The following ASCC3 variants were observed in gnomAD, a reference collection of about 807,000 sequenced individuals.
ASCC3 encodes the protein activating signal cointegrator 1 complex subunit 3.
ASCC3 carries 158 observed loss-of-function variants against 256.3 expected under a neutral mutation model. The observed-to-expected ratio is 0.62, with a 90% CI of 0.54 to 0.70. ASCC3 has a LOEUF of 0.70. Ranked by LOEUF, ASCC3 falls within the 30% of genes least tolerant of loss-of-function variation. ASCC3 has a pLI of 0.00. For missense variants in ASCC3, 2,259 were observed against 2,626.0 expected (o/e 0.86, Z 3.05); for synonymous variants, 948 against 883.4 (o/e 1.07, Z -1.30).
In ASCC3 at chr6:100,715,526, T is replaced by C; in HGVS notation, c.2087A>G (p.Gln696Arg). 9 of 1,609,226 alleles carry C rather than the reference T, an allele frequency of 5.6e-6. No homozygotes were observed. The highest frequency in any genetic ancestry group is 7.6e-6 in the Non-Finnish European group (9 of 1,176,662). The change falls in exon 13 of 42, where the codon CAG (glutamine) becomes CGG (arginine). Residue 696 changes from glutamine to arginine, a missense_variant. By Grantham distance (43) the Gln-to-Arg change is conservative. Around this residue, in one of 2 missense-constraint regions of ASCC3, gnomAD observed 1,839 missense variants for 2,206.7 expected, o/e 0.83. Transcript: ENST00000369162. ...ACATACTTCATCCATGTTATTCAAC[T>C]GCTGCATCTTGAAGATTTTAAAACA... ...LGIKCANKMQ[Q>R]LNNMDEVCYE... is the part of the protein sequence containing the mutation.
At chr6:100,586,893 G>C (rs1460982423) in intron 36 of ASCC3, among the ~76,000 whole-genome samples, 1 of 152,072 alleles carries the variant, frequency 6.6e-6, no homozygotes, top group Non-Finnish European at 1.5e-5. Context: ...TAAGTTCAAA[G>C]TAATACTCAA....
intron 37 of ASCC3, chr6:100,530,565 C>G: frequency 1.3e-6 from 1 of 785,782 alleles, no homozygotes; most frequent in East Asian, 2.4e-5. Context: ...GGCACTCAAT[C>G]CAGCCAGCAT....
At chr6:100,510,236 T>C in intron 40 of ASCC3, 129 bp from the exon 41 acceptor site, 1 of 1,009,386 alleles carries the variant, frequency 9.9e-7, no homozygotes, top group Non-Finnish European at 1.5e-6. Context: ...CTATCTGAGA[T>C]GTTTTAAATT....
intron 14 of ASCC3, among the ~76,000 whole-genome samples, chr6:100,670,641 C>A (rs1005616035): frequency 7.1e-6 from 1 of 140,876 alleles, no homozygotes; most frequent in Non-Finnish European, 1.5e-5. Flanking sequence ...AACTTTTTTT[C>A]CCCCCCAAAT....
At chr6:100,729,893 C>T (rs1173643524) in intron 10 of ASCC3, among the ~76,000 whole-genome samples, 5 of 151,824 alleles carry the variant, frequency 3.3e-5, no homozygotes, top group Non-Finnish European at 5.9e-5. Context: ...TTTTTAAAAC[C>T]AGAATGATAA....
chr6:100,830,115 G>T (rs923143943), intron 4 of ASCC3, among the ~76,000 whole-genome samples: 7 of 151,846 alleles, frequency 4.6e-5, no homozygotes, highest in Non-Finnish European at 1.0e-4. Flanking sequence ...AATATTTTCG[G>T]AATGTGGCTG....
At chr6:100,614,513 C>T (rs1773562322) in intron 30 of ASCC3, among the ~76,000 whole-genome samples, 1 of 152,132 alleles carries the variant, frequency 6.6e-6, no homozygotes, top group Non-Finnish European at 1.5e-5. Flanking sequence ...GGATGGGTTT[C>T]CTATTATTCT....
At chr6:100,764,239 T>C (rs1159815112) in intron 10 of ASCC3, among the ~76,000 whole-genome samples, 2 of 152,200 alleles carry the variant, frequency 1.3e-5, no homozygotes, top group Non-Finnish European at 2.9e-5. Context: ...GCACTAGGTA[T>C]TATTTTATGA....
At chr6:100,835,796 G>A (rs746540327) in intron 4 of ASCC3, among the ~76,000 whole-genome samples, 22 of 152,110 alleles carry the variant, frequency 1.4e-4, no homozygotes, top group Middle Eastern at 6.8e-3. Context: ...AGAATGTTAC[G>A]GGTATTTTGA....
intron 38 of ASCC3, 24 bp downstream of exon 38, chr6:100,517,967 T>G (rs561142266): frequency 6.2e-7 from 1 of 1,609,890 alleles, no homozygotes; most frequent in Non-Finnish European, 8.5e-7. Flanking sequence ...ACAAAACAAT[T>G]ACATTGAAAA....
intron 37 of ASCC3, among the ~76,000 whole-genome samples, chr6:100,537,347 A>G (rs1204952913): frequency 6.6e-6 from 1 of 152,160 alleles, no homozygotes; most frequent in Non-Finnish European, 1.5e-5. Flanking sequence ...ATAACTCCAT[A>G]AAATAACTGC....
chr6:100,685,705 T>C (rs1251944170), intron 13 of ASCC3, among the ~76,000 whole-genome samples: 1 of 152,236 alleles, frequency 6.6e-6, no homozygotes, highest in Non-Finnish European at 1.5e-5. Context: ...ACTACAGATA[T>C]ATTTCAGATA....
rs189617524 is a variant in ASCC3 at position 100,586,370 on chromosome 6, C to T, written c.5550+3264G>A. On this transcript the variant is annotated intron_variant, in intron 36 of 41. Transcript: ENST00000369162. Reference sequence around the variant, plus strand: ...CTAGCAATCAGTGAGACTCCGTGGGCGTAGGACCCTCCGAGCCAGGTGCGA... The same window carrying T: ...CTAGCAATCAGTGAGACTCCGTGGGTGTAGGACCCTCCGAGCCAGGTGCGA... Among the ~76,000 whole-genome samples the T allele has an allele frequency of 4.6e-3, 707 of 152,278 alleles. 6 individuals carry two copies. Among genetic ancestry groups the T allele is most frequent in the African/African-American group, 0.015 (643 of 41,544 alleles).
chr6:100,545,096 T>C (rs1775645956), intron 36 of ASCC3, among the ~76,000 whole-genome samples: 1 of 152,076 alleles, frequency 6.6e-6, no homozygotes, highest in South Asian at 2.1e-4. Context: ...TCTGACAAAG[T>C]TCAACATCCA....
At chr6:100,616,426 A>G (rs1001611810) in intron 30 of ASCC3, among the ~76,000 whole-genome samples, 11 of 152,234 alleles carry the variant, frequency 7.2e-5, no homozygotes, top group African/African-American at 2.7e-4. Flanking sequence ...TTGAAGCACC[A>G]TGTAAAATTA....
chr6:100,674,526 T>C (rs951828155), intron 14 of ASCC3, among the ~76,000 whole-genome samples: 1 of 152,230 alleles, frequency 6.6e-6, no homozygotes. Flanking sequence ...TCATCTATTA[T>C]TGTTTTAAAC....
Position 100,589,739 on chromosome 6 carries a change from A to C in ASCC3, c.5445T>G (p.Tyr1815Ter). ...AATAGTAATAGGAGGCAATTCGGCC[A>C]TAAGTTAGAGGTTCAATGCTGCGAT... is the stretch of plus-strand genomic sequence containing the variant. ...EDNRSIEPLT[Y>*]GRIASYYYLK... is the part of the protein sequence containing the mutation. Residue 1815 changes from tyrosine (Y) to a stop codon, truncating the protein, a stop_gained, in exon 36 of 42, where the codon TAT becomes TAG. Coordinates refer to ENST00000369162, the MANE Select transcript of ASCC3 (RefSeq NM_006828.4). LOFTEE classifies it high-confidence loss of function. The C allele has an allele frequency of 1.2e-6, 2 of 1,613,812 alleles. No individual in the cohort carries two copies. The highest frequency in any genetic ancestry group is 1.7e-6 in the Non-Finnish European group (2 of 1,179,812).
intron 10 of ASCC3, among the ~76,000 whole-genome samples, chr6:100,726,351 A>T (rs1289211955): frequency 2.0e-5 from 3 of 152,018 alleles, no homozygotes; most frequent in African/African-American, 7.2e-5. Context: ...TTATTAAATT[A>T]CAATAATAAA....
chr6:100,621,877 G>C (rs1234383585), intron 30 of ASCC3, among the ~76,000 whole-genome samples: 1 of 152,124 alleles, frequency 6.6e-6, no homozygotes, highest in Non-Finnish European at 1.5e-5. Flanking sequence ...AGAAAATGTG[G>C]TACATATATA....
Sources: allele counts gnomAD v4.1 joint callset (sites outside exome capture counted in the v4.1 genomes callset), GRCh38; gene constraint gnomAD v4.1.1; regional missense constraint gnomAD v4.1.1; transcripts MANE v1.5; gene names NCBI Gene and HGNC (gene_info 2026-07-23, HGNC 2026-07-21).